TSHZ2: variants seen among roughly 807,000 people sequenced by gnomAD.
TSHZ2 encodes the protein teashirt homolog 2.
TSHZ2 carries 21 observed loss-of-function variants against 74.4 expected under a neutral mutation model. The observed-to-expected ratio is 0.28, with a 90% CI of 0.20 to 0.41. TSHZ2 has a LOEUF of 0.41. Among genes scored for constraint, TSHZ2 ranks in the 10% least tolerant of loss-of-function variants. TSHZ2 has a pLI of 1.00. For missense variants in TSHZ2, 1,244 were observed against 1,293.5 expected (o/e 0.96, Z 0.59); for synonymous variants, 540 against 515.3 (o/e 1.05, Z -0.65).
intron 1 of TSHZ2, among the ~76,000 whole-genome samples, chr20:53,056,140 A>G (rs1392132601): frequency 4.6e-5 from 7 of 152,216 alleles, no homozygotes; most frequent in African/African-American, 1.7e-4. Context: ...GTAAGTACAC[A>G]ATATATTTTG....
intron 2 of TSHZ2, among the ~76,000 whole-genome samples, chr20:53,475,756 C>A (rs1386151172): frequency 7.1e-6 from 1 of 140,492 alleles, no homozygotes; most frequent in African/African-American, 2.8e-5. Flanking sequence ...ATTGATAGAC[C>A]ACTAGCAAGA....
At chr20:53,334,718 A>G (rs533133325) in intron 2 of TSHZ2, among the ~76,000 whole-genome samples, 6 of 151,872 alleles carry the variant, frequency 4.0e-5, no homozygotes, top group Non-Finnish European at 7.4e-5. Context: ...TTTTTGAGGC[A>G]GAGTCTCGCT....
rs537204379 is a variant in TSHZ2 at position 53,463,776 on chromosome 20, T to C, written c.*9-23368T>C. On this transcript the variant is annotated intron_variant, in intron 2 of 2. Coordinates refer to ENST00000371497, the MANE Select transcript of TSHZ2 (RefSeq NM_173485.6). ...TGGAGTGGGGCCAAGTGACAGAATC[T>C]GCTTAGAGGCGGGAGCCTCAGCTGG... 3.1e-3 allele frequency among the ~76,000 whole-genome samples: 465 copies of C among 152,340 alleles called. 4 individuals are homozygous for C. The highest frequency in any genetic ancestry group is 0.011 in the African/African-American group (451 of 41,584).
chr20:53,455,337 C>T (rs991075949), intron 2 of TSHZ2: 5 of 152,100 alleles, frequency 3.3e-5, no homozygotes, highest in Admixed American at 3.3e-4. Flanking sequence ...AGGCAGAGGT[C>T]CTATCTGTCT....
chr20:53,137,441 C>T (rs16997588), intron 1 of TSHZ2, among the ~76,000 whole-genome samples: 13,400 of 151,818 alleles, frequency 0.088, 875 homozygotes, highest in East Asian at 0.19. Context: ...AAGATTCCAG[C>T]GTCTGTGAAT....
chr20:53,190,131 A>ATTT (rs1263239847), intron 1 of TSHZ2, among the ~76,000 whole-genome samples: 1 of 87,026 alleles, frequency 1.1e-5, no homozygotes, highest in African/African-American at 4.8e-5. Flanking sequence ...ATATATATAT[A>ATTT]TATATATTTT....
intron 2 of TSHZ2, among the ~76,000 whole-genome samples, chr20:53,335,621 G>A (rs984665695): frequency 6.6e-6 from 1 of 152,368 alleles, no homozygotes; most frequent in Admixed American, 6.5e-5. Flanking sequence ...TCGTTTGCAA[G>A]TGTGACAAGG....
Position 53,315,764 on chromosome 20 carries a change from G to A in TSHZ2, c.*8+59193G>A, listed in dbSNP as rs1255557347. Among the ~76,000 whole-genome samples, 4 of 152,312 alleles carry A rather than the reference G, an allele frequency of 2.6e-5. No individual in the cohort carries two copies. The East Asian group carries it at 7.7e-4, about 29-fold the overall frequency. On this transcript the variant is annotated intron_variant, in intron 2 of 2. Coordinates refer to ENST00000371497, the MANE Select transcript of TSHZ2 (RefSeq NM_173485.6). ...AGCTGATGTTCTAGCATGGAAAACA[G>A]ATAATAAATAAATAACTAATCCATT...
chr20:53,339,788 C>T (rs1980106623), intron 2 of TSHZ2, among the ~76,000 whole-genome samples: 1 of 152,174 alleles, frequency 6.6e-6, no homozygotes, highest in Non-Finnish European at 1.5e-5. Context: ...TCGCTGCTCT[C>T]CTGGGCACTG....
chr20:53,176,529 C>CCTACAGCA (rs1216125174), intron 1 of TSHZ2, among the ~76,000 whole-genome samples: 1 of 152,120 alleles, frequency 6.6e-6, no homozygotes, highest in Non-Finnish European at 1.5e-5. Flanking sequence ...GTGCATGTTT[C>CCTACAGCA]CTACAGCATT....
intron 2 of TSHZ2, among the ~76,000 whole-genome samples, chr20:53,339,069 A>G (rs2145564145): frequency 6.6e-6 from 1 of 152,334 alleles, no homozygotes. Flanking sequence ...TAAGCTCAGC[A>G]TTGTCACCAA....
rs368963876 is a variant in TSHZ2, at chr20:53,043,782, T to TA, written c.40+70460dup. The stretch of plus-strand genomic sequence containing the variant: ...ATAATATAGGTCCCATCTCACAGAT[T>TA]AAAAAAAAAAACTGATACCTGGGGA... On this transcript the variant is annotated intron_variant, in intron 1 of 2. Transcript: ENST00000371497. Among the ~76,000 whole-genome samples, 113 of 147,496 alleles carry TA rather than the reference T, an allele frequency of 7.7e-4. 1 individual carries two copies. The highest frequency in any genetic ancestry group is 3.0e-3 in the South Asian group (14 of 4,640).
intron 1 of TSHZ2, among the ~76,000 whole-genome samples, chr20:53,066,980 A>G (rs1054081862): frequency 5.9e-5 from 9 of 152,160 alleles, no homozygotes; most frequent in African/African-American, 2.2e-4. Flanking sequence ...AGCTCCTCAC[A>G]TTTCAAAAAT....
At chr20:53,177,827 T>C (rs995463017) in intron 1 of TSHZ2, among the ~76,000 whole-genome samples, 2 of 152,172 alleles carry the variant, frequency 1.3e-5, no homozygotes, top group African/African-American at 2.4e-5. Context: ...TTGATCCCAA[T>C]GTTGAGAGGA....
At chr20:53,079,494 A>C (rs1050353232) in intron 1 of TSHZ2, among the ~76,000 whole-genome samples, 1 of 152,232 alleles carries the variant, frequency 6.6e-6, no homozygotes, top group African/African-American at 2.4e-5. Flanking sequence ...TTAGCGCTAC[A>C]GAGACAGAAT....
At chr20:53,235,461 C>T (rs1467507244) in intron 1 of TSHZ2, among the ~76,000 whole-genome samples, 1 of 152,148 alleles carries the variant, frequency 6.6e-6, no homozygotes, top group Non-Finnish European at 1.5e-5. Context: ...CGAGCCACCA[C>T]CCCTGGCCAG....
In TSHZ2 at chr20:53,494,760, CCT is replaced by C. The variant is rs1448433695; in HGVS notation, c.*7626_*7627del. 1 of 151,360 alleles carries C rather than the reference CCT, an allele frequency of 6.6e-6. No homozygotes were observed. Among genetic ancestry groups the C allele is most frequent in the African/African-American group, 2.4e-5 (1 of 41,182 alleles). 9.4% of individuals were successfully genotyped at this position (151,360 alleles called of 1,614,324 possible). ...ACATTCGCCAAGGTTATATGGAGCC[CCT>C]GATTTCCATCAAAAAGGTTTCTATA... On this transcript the variant is annotated 3_prime_UTR_variant, in exon 3 of 3. Transcript: ENST00000371497.
At chr20:53,472,387 C>G (rs1286297451) in intron 2 of TSHZ2, among the ~76,000 whole-genome samples, 1 of 152,062 alleles carries the variant, frequency 6.6e-6, no homozygotes, top group African/African-American at 2.4e-5. Context: ...CAAAGACGAC[C>G]GAACTTTCTG....
chr20:52,997,891 C>T (rs796170302), intron 1 of TSHZ2, among the ~76,000 whole-genome samples: 5 of 152,336 alleles, frequency 3.3e-5, no homozygotes, highest in African/African-American at 1.2e-4. Context: ...GATGGCCTTA[C>T]ATCTTCCTAC....
Sources: gnomAD v4.1 joint callset for allele counts (sites outside exome capture counted in the v4.1 genomes callset) on GRCh38, gnomAD v4.1.1 for gene constraint, MANE v1.5 for transcripts, NCBI Gene and HGNC (gene_info 2026-07-23, HGNC 2026-07-21) for gene names.